The following MN1 variants were observed in gnomAD, a reference collection of about 807,000 sequenced individuals.
MN1 encodes the protein MN1 proto-oncogene, transcriptional regulator.
Under a neutral mutation model 86.9 loss-of-function variants are expected in MN1, and 19 were observed. That is an observed-to-expected ratio of 0.22 (90% CI 0.15 to 0.32). The LOEUF (loss-of-function observed/expected upper bound fraction) is 0.32, where lower values mean the gene tolerates loss of function less well. Ranked by LOEUF, MN1 falls within the 10% of genes least tolerant of loss-of-function variation. The pLI is 1.00. For missense variants in MN1, 1,841 were observed against 1,862.0 expected (o/e 0.99, Z 0.21); for synonymous variants, 928 against 849.6 (o/e 1.09, Z -1.60).
chr22:27,753,918 G>A (rs1233058276), intron 1 of MN1, among the ~76,000 whole-genome samples: 2 of 152,102 alleles, frequency 1.3e-5, no homozygotes, highest in Non-Finnish European at 2.9e-5. Flanking sequence ...TCTGGACTGG[G>A]GTGGGGTGAG....
chr22:27,801,468 G>T lies in MN1; in HGVS notation c.-925C>A, dbSNP rs1933441683. Reference sequence around the variant, plus strand: ...GGGCAGCGAGACGAGGGGTTGGGTCGCTCCAAGGCTCCGGTTCCCTGCCTC... The same window carrying T: ...GGGCAGCGAGACGAGGGGTTGGGTCTCTCCAAGGCTCCGGTTCCCTGCCTC... On this transcript the variant is annotated 5_prime_UTR_variant, in exon 1 of 2. Coordinates refer to ENST00000302326, the MANE Select transcript of MN1 (RefSeq NM_002430.3). 5.0e-6 allele frequency: 1 copy of T among 199,954 alleles called. No homozygotes were observed. Among genetic ancestry groups the T allele is most frequent in the Non-Finnish European group, 1.0e-5 (1 of 96,568 alleles). The allele number at this position is 199,954 out of a possible 1,614,324, so 12.4% of individuals were successfully genotyped here.
At chr22:27,796,624 G>C (rs1401047186) in intron 1 of MN1, 139 bp downstream of exon 1, 1 of 834,636 alleles carries the variant, frequency 1.2e-6, no homozygotes, top group Non-Finnish European at 1.8e-6. Context: ...GCAAAGGTGG[G>C]ATAACCAGCT....
intron 1 of MN1, among the ~76,000 whole-genome samples, chr22:27,777,275 G>A (rs1341638292): frequency 6.6e-6 from 1 of 152,176 alleles, no homozygotes; most frequent in East Asian, 1.9e-4. Flanking sequence ...TCTCACGCCT[G>A]TAATCCTAGC....
Position 27,798,415 on chromosome 22 carries a change from C to G in MN1, c.2129G>C (p.Gly710Ala). 1 of 1,537,314 alleles carries G rather than the reference C, an allele frequency of 6.5e-7. No homozygotes were observed. The highest frequency in any genetic ancestry group is 8.7e-7 in the Non-Finnish European group (1 of 1,150,904). Residue 710 changes from glycine to alanine, a missense_variant, in exon 1 of 2, where the codon GGT becomes GCT. By Grantham distance (60) the Gly-to-Ala change is moderately conservative. Coordinates refer to ENST00000302326, the MANE Select transcript of MN1 (RefSeq NM_002430.3). ...GCCCGCCCCGGGCGACTGCAGCTGA[C>G]CCAGGCCTCCCAGACTGCCCCCGAA... is the stretch of plus-strand genomic sequence containing the variant. ...LQFGGSLGGL[G>A]QLQSPGAGVG...
intron 1 of MN1, among the ~76,000 whole-genome samples, chr22:27,755,294 T>C (rs1463657765): frequency 6.6e-6 from 1 of 152,166 alleles, no homozygotes; most frequent in Non-Finnish European, 1.5e-5. Flanking sequence ...CACGAGAGAC[T>C]GGCAATACCA....
chr22:27,755,195 G>A (rs934666849), intron 1 of MN1, among the ~76,000 whole-genome samples: 2 of 152,200 alleles, frequency 1.3e-5, no homozygotes, highest in Non-Finnish European at 2.9e-5. Flanking sequence ...TATCTGGGCA[G>A]CTCCTGTCTG....
In MN1 at chr22:27,800,799, T is replaced by TG. The variant is rs1933422975; in HGVS notation, c.-257dup. The TG allele has an allele frequency of 1.2e-5, 6 of 497,884 alleles. No individual in the cohort carries two copies. Among genetic ancestry groups the TG allele is most frequent in the Admixed American group, 1.1e-4 (3 of 27,154 alleles). The allele number at this position is 497,884 out of a possible 1,614,324, so 30.8% of individuals were successfully genotyped here. On this transcript the variant is annotated 5_prime_UTR_variant, in exon 1 of 2. An upstream open reading frame in the 5' UTR loses its in-frame stop. Coordinates refer to ENST00000302326, the MANE Select transcript of MN1 (RefSeq NM_002430.3). ...GCCGCGGGGCCTCTAGGAGCCGTGT[T>TG]GGGGGGCCCATGCCCCGGGCGGTTG...
chr22:27,767,911 G>T (rs1309554470), intron 1 of MN1, among the ~76,000 whole-genome samples: 1 of 152,048 alleles, frequency 6.6e-6, no homozygotes, highest in Admixed American at 6.6e-5. Context: ...TTACTTCATC[G>T]GGTCCTCCCT....
intron 1 of MN1, among the ~76,000 whole-genome samples, chr22:27,751,661 T>A (rs1932765871): frequency 1.3e-5 from 2 of 152,086 alleles, no homozygotes; most frequent in African/African-American, 4.8e-5. Context: ...CACCTCTACT[T>A]TACAGCTAAG....
chr22:27,797,804 C>A lies in MN1; in HGVS notation c.2740G>T (p.Asp914Tyr), dbSNP rs1417246959. ...SGPPNPPAQG[D>Y]GTSLSPNYTL... ...TAGTTGGGGGAGAGGCTGGTGCCGT[C>A]CCCCTGGGCTGGAGGGTTGGGCGGC... is the stretch of plus-strand genomic sequence containing the variant. The change falls in exon 1 of 2, where the codon GAC (aspartate) becomes TAC (tyrosine). Residue 914 changes from aspartate to tyrosine, a missense_variant. Transcript: ENST00000302326. 3 of 1,592,526 alleles carry A rather than the reference C, an allele frequency of 1.9e-6. No individual in the cohort carries two copies. Among genetic ancestry groups the A allele is most frequent in the Non-Finnish European group, 2.6e-6 (3 of 1,171,230 alleles).
At chr22:27,757,561 C>G (rs1932809293) in intron 1 of MN1, among the ~76,000 whole-genome samples, 1 of 152,198 alleles carries the variant, frequency 6.6e-6, no homozygotes, top group Non-Finnish European at 1.5e-5. Context: ...GCGGATGACT[C>G]TCGCCCAACT....
chr22:27,774,784 G>T (rs756422611), intron 1 of MN1, among the ~76,000 whole-genome samples: 3 of 152,154 alleles, frequency 2.0e-5, no homozygotes, highest in Non-Finnish European at 2.9e-5. Flanking sequence ...CATAGCAACA[G>T]TCGTGACAAT....
In MN1 at chr22:27,769,552, A is replaced by ATTTTTTTTTTTTTTTTTTTTTT. The variant is rs58248602; in HGVS notation, c.3782-18457_3782-18456insAAAAAAAAAAAAAAAAAAAAAA. 1.1e-4 allele frequency among the ~76,000 whole-genome samples: 9 copies of ATTTTTTTTTTTTTTTTTTTTTT among 83,280 alleles called. 3 individuals carry two copies. Among genetic ancestry groups the ATTTTTTTTTTTTTTTTTTTTTT allele is most frequent in the African/African-American group, 2.5e-4 (5 of 20,264 alleles). 54.6% of individuals were successfully genotyped at this position (83,280 alleles called of 152,430 possible). ...CGAAGCAATAATATCAAGGATGCCA[A>ATTTTTTTTTTTTTTTTTTTTTT]TTTTTTTTTTTTTTTTTTGAGACAG... On this transcript the variant is annotated intron_variant, in intron 1 of 1. Coordinates refer to ENST00000302326, the MANE Select transcript of MN1 (RefSeq NM_002430.3).
chr22:27,769,834 A>T (rs1345798468), intron 1 of MN1, among the ~76,000 whole-genome samples: 3 of 151,180 alleles, frequency 2.0e-5, no homozygotes. Flanking sequence ...GATTACAGGC[A>T]TGAGCAACTG....
At chr22:27,758,956 G>A (rs549332259) in intron 1 of MN1, among the ~76,000 whole-genome samples, 63 of 152,132 alleles carry the variant, frequency 4.1e-4, no homozygotes, top group Non-Finnish European at 8.2e-4. Flanking sequence ...CTCCCAAGTA[G>A]CTGGGACTAC....
intron 1 of MN1, among the ~76,000 whole-genome samples, chr22:27,774,188 C>T (rs1932947414): frequency 6.6e-6 from 1 of 152,198 alleles, no homozygotes; most frequent in Admixed American, 6.5e-5. Flanking sequence ...ATGCAAAACA[C>T]GTCTGGGCAG....
chr22:27,757,097 G>T (rs1337037841), intron 1 of MN1, among the ~76,000 whole-genome samples: 1 of 151,720 alleles, frequency 6.6e-6, no homozygotes, highest in African/African-American at 2.4e-5. Flanking sequence ...TGGTACTACT[G>T]TTGCTCTTTA....
chr22:27,775,841 T>C (rs984321855), intron 1 of MN1, among the ~76,000 whole-genome samples: 1 of 152,158 alleles, frequency 6.6e-6, no homozygotes, highest in Non-Finnish European at 1.5e-5. Context: ...TCTCCCCGAA[T>C]GGAATGGCAC....
chr22:27,797,728 C>T lies in MN1; in HGVS notation c.2816G>A (p.Gly939Asp), dbSNP rs1183221701. The T allele has an allele frequency of 1.2e-6, 2 of 1,611,700 alleles. No individual in the cohort carries two copies. Among genetic ancestry groups the T allele is most frequent in the East Asian group, 2.2e-5 (1 of 44,844 alleles). Residue 939 changes from glycine (G) to aspartate (D), a missense_variant, in exon 1 of 2, where the codon GGC (glycine) becomes GAC (aspartate). By Grantham distance (94) the Gly-to-Asp change is moderately conservative. Coordinates refer to ENST00000302326, the MANE Select transcript of MN1 (RefSeq NM_002430.3). The stretch of plus-strand genomic sequence containing the variant: ...TTTTCTGCGACCCCGTCCCCGGCCG[C>T]CGCCCCCGGAGACCGGCTTGCCGTC... ...GNDGKPVSGG[G>D]GRGRGRRKRD...
Sources: allele counts gnomAD v4.1 joint callset (sites outside exome capture counted in the v4.1 genomes callset), GRCh38; gene constraint gnomAD v4.1.1; transcripts MANE v1.5; gene names NCBI Gene and HGNC (gene_info 2026-07-23, HGNC 2026-07-21).